Variants in CADM2 observed in about 807,000 individuals in gnomAD.
The protein encoded by CADM2 is immunoglobulin superfamily member 4D.
A neutral mutation model predicts 49.8 loss-of-function variants in CADM2; 12 were observed. The ratio of observed to expected loss-of-function variants is 0.24; its 90% CI spans 0.15 to 0.39. The LOEUF (loss-of-function observed/expected upper bound fraction) is 0.39, where lower values mean the gene tolerates loss of function less well. Among genes scored for constraint, CADM2 ranks in the 10% least tolerant of loss-of-function variants. The pLI is 1.00. For missense variants in CADM2, 378 were observed against 492.3 expected (o/e 0.77, Z 2.20); for synonymous variants, 214 against 175.4 (o/e 1.22, Z -1.74).
At chr3:85,181,561 A>G (rs1018868216) in intron 1 of CADM2, among the ~76,000 whole-genome samples, 3 of 152,120 alleles carry the variant, frequency 2.0e-5, no homozygotes, top group Admixed American at 2.0e-4. Flanking sequence ...TTGAATATCA[A>G]GGTATCACTT....
intron 1 of CADM2, among the ~76,000 whole-genome samples, chr3:85,104,882 G>T (rs1349932459): frequency 6.6e-6 from 1 of 152,108 alleles, no homozygotes; most frequent in African/African-American, 2.4e-5. Flanking sequence ...TCTGTTATTG[G>T]TGTATAAGAA....
intron 1 of CADM2, among the ~76,000 whole-genome samples, chr3:85,618,190 T>G (rs913099754): frequency 7.2e-5 from 11 of 152,118 alleles, no homozygotes; most frequent in Admixed American, 5.9e-4. Flanking sequence ...AATAGACAAT[T>G]TAACATTTCT....
At chr3:84,976,213 A>C (rs1051261223) in intron 1 of CADM2, among the ~76,000 whole-genome samples, 1 of 151,784 alleles carries the variant, frequency 6.6e-6, no homozygotes, top group African/African-American at 2.4e-5. Context: ...GGTATTTGTG[A>C]ATTTGTCATA....
intron 1 of CADM2, among the ~76,000 whole-genome samples, chr3:85,604,290 A>G (rs907060935): frequency 1.3e-5 from 2 of 151,902 alleles, no homozygotes; most frequent in East Asian, 1.9e-4. Context: ...TAACGTGACT[A>G]TCATAAGGTT....
At chr3:85,417,939 T>C (rs2035986466) in intron 1 of CADM2, among the ~76,000 whole-genome samples, 1 of 152,158 alleles carries the variant, frequency 6.6e-6, no homozygotes. Context: ...CTAGGAAGTA[T>C]AAGTATCAAT....
At chr3:85,369,359 G>T (rs1424739517) in intron 1 of CADM2, among the ~76,000 whole-genome samples, 2 of 152,198 alleles carry the variant, frequency 1.3e-5, no homozygotes, top group African/African-American at 4.8e-5. Flanking sequence ...GAGGCCCGGT[G>T]CAGTGGCTCA....
At chr3:85,805,807 G>A (rs1577352737) in intron 3 of CADM2, among the ~76,000 whole-genome samples, 1 of 152,130 alleles carries the variant, frequency 6.6e-6, no homozygotes, top group African/African-American at 2.4e-5. Context: ...GACTGCACAT[G>A]AGAGCAAGAG....
chr3:85,999,273 G>T (rs973638153), intron 8 of CADM2, among the ~76,000 whole-genome samples: 3 of 151,460 alleles, frequency 2.0e-5, no homozygotes, highest in Non-Finnish European at 2.9e-5. Flanking sequence ...CCGAGGGTTG[G>T]GGGGTGGATC....
rs767626608 is a variant in CADM2 at position 85,237,263 on chromosome 3, A to G, written c.61+277595A>G. On this transcript the variant is annotated intron_variant, in intron 1 of 9. Coordinates refer to ENST00000383699, the MANE Select transcript of CADM2 (RefSeq NM_001167675.2). ...AAGCATGAGATTAACTTTTAGTCAT[A>G]ATTATAAATATCTATTAGGTTCAAA... is the stretch of plus-strand genomic sequence containing the variant. Among the ~76,000 whole-genome samples, 17 of 152,118 alleles carry G rather than the reference A, an allele frequency of 1.1e-4. No individual in the cohort carries two copies. The East Asian group carries it at 3.3e-3, about 29-fold the overall frequency.
intron 3 of CADM2, among the ~76,000 whole-genome samples, chr3:85,872,038 G>A (rs1559713486): frequency 1.3e-5 from 2 of 152,106 alleles, no homozygotes; most frequent in East Asian, 1.9e-4. Context: ...CTTTCATACT[G>A]TCCCCATTAC....
intron 2 of CADM2, among the ~76,000 whole-genome samples, chr3:85,795,848 A>G (rs2071588625): frequency 2.0e-5 from 3 of 152,204 alleles, no homozygotes; most frequent in African/African-American, 7.2e-5. Context: ...ATTTAAACAA[A>G]CAGGGATAAA....
At chr3:85,054,473 A>T (rs2036001324) in intron 1 of CADM2, among the ~76,000 whole-genome samples, 1 of 151,912 alleles carries the variant, frequency 6.6e-6, no homozygotes, top group South Asian at 2.1e-4. Flanking sequence ...GTGACAAGGG[A>T]TAATTAAGGG....
At chr3:85,600,651 TG>T (rs534885918) in intron 1 of CADM2, among the ~76,000 whole-genome samples, 54 of 151,104 alleles carry the variant, frequency 3.6e-4, no homozygotes, top group Admixed American at 7.9e-4. Context: ...GCTTTTAAGT[TG>T]TTTTTTTTTT....
At chr3:85,191,146 T>A (rs2107724731) in intron 1 of CADM2, among the ~76,000 whole-genome samples, 2 of 152,054 alleles carry the variant, frequency 1.3e-5, no homozygotes, top group Middle Eastern at 7.4e-3. Context: ...CTTTGGAAAA[T>A]TAATAGCAAT....
intron 1 of CADM2, among the ~76,000 whole-genome samples, chr3:85,415,913 C>T (rs190653165): frequency 1.2e-4 from 19 of 152,006 alleles, no homozygotes; most frequent in Admixed American, 1.2e-3. Flanking sequence ...GTGGGGGGAG[C>T]AGTGTATAAT....
At chr3:85,918,147 A>T (rs1468301743) in intron 6 of CADM2, among the ~76,000 whole-genome samples, 1 of 152,100 alleles carries the variant, frequency 6.6e-6, no homozygotes, top group South Asian at 2.1e-4. Flanking sequence ...CCCTTTATTC[A>T]CTTCTCCTTC....
intron 6 of CADM2, among the ~76,000 whole-genome samples, chr3:85,928,177 TG>T (rs1315907928): frequency 0.04 from 5,210 of 130,294 alleles, 121 homozygotes; most frequent in Non-Finnish European, 0.063. Flanking sequence ...TTTTTTTTTT[TG>T]AAATGGAGTC....
chr3:86,024,415 T>C (rs149448401), intron 8 of CADM2, among the ~76,000 whole-genome samples: 9 of 152,206 alleles, frequency 5.9e-5, no homozygotes, highest in African/African-American at 2.2e-4. Flanking sequence ...AAGCGAGCAG[T>C]AAATAAAATG....
intron 8 of CADM2, among the ~76,000 whole-genome samples, chr3:85,991,281 CA>C (rs1728742748): frequency 6.6e-6 from 1 of 152,086 alleles, no homozygotes; most frequent in Non-Finnish European, 1.5e-5. Flanking sequence ...TGATGACTTC[CA>C]AATACATGTA....
Sources: allele counts gnomAD v4.1 joint callset (sites outside exome capture counted in the v4.1 genomes callset), GRCh38; gene constraint gnomAD v4.1.1; transcripts MANE v1.5; gene names NCBI Gene and HGNC (gene_info 2026-07-23, HGNC 2026-07-21).